Variants in CACNG4 observed in about 807,000 individuals in gnomAD.
The protein encoded by CACNG4 is voltage-dependent calcium channel gamma-4 subunit.
A neutral mutation model predicts 22.9 loss-of-function variants in CACNG4; 8 were observed. That is an observed-to-expected ratio of 0.35 (90% confidence interval 0.21 to 0.63). The LOEUF (loss-of-function observed/expected upper bound fraction) is 0.63, where lower values mean the gene tolerates loss of function less well. CACNG4 is among the 30% of genes least tolerant of loss of function. The probability of loss-of-function intolerance (pLI) is 0.72; values close to 1 mark genes in which losing one functional copy is unlikely to be tolerated. For synonymous variants in CACNG4, 188 were observed against 191.9 expected, an observed-to-expected ratio of 0.98 and a Z score of 0.17; for missense variants, 357 against 455.4, an observed-to-expected ratio of 0.78 and a Z score of 1.97.
chr17:66,994,020 T>C (rs1413171513), intron 1 of CACNG4, among the ~76,000 whole-genome samples: 1 of 142,388 alleles, frequency 7.0e-6, no homozygotes, highest in Non-Finnish European at 1.6e-5. Context: ...AATATACACA[T>C]AAAAAAAAAA....
intron 1 of CACNG4, among the ~76,000 whole-genome samples, chr17:66,969,031 T>C: frequency 6.6e-6 from 1 of 152,134 alleles, no homozygotes. Flanking sequence ...AAAGGGGTAG[T>C]AAACCTTTCT....
chr17:67,011,065 G>A lies in CACNG4; in HGVS notation c.221-7124G>A, dbSNP rs946045999. Among the ~76,000 whole-genome samples, 10 of 152,300 alleles carry A rather than the reference G, an allele frequency of 6.6e-5. 1 individual carries two copies. The highest frequency in any genetic ancestry group is 4.2e-4 in the South Asian group (2 of 4,818). On this transcript the variant is annotated intron_variant, in intron 1 of 3. Transcript: ENST00000262138. ...GCCACTTTAAATTATGGTAAAGTTC[G>A]CATTGCTGGCTCTCTAGAACAATAC...
At chr17:67,003,013 A>G (rs948746927) in intron 1 of CACNG4, among the ~76,000 whole-genome samples, 1 of 152,056 alleles carries the variant, frequency 6.6e-6, no homozygotes, top group Non-Finnish European at 1.5e-5. Flanking sequence ...TATTATGGGT[A>G]TATGTGGACA....
Position 66,964,771 on chromosome 17 carries a change from G to A in CACNG4, c.-141G>A, listed in dbSNP as rs539513033. On this transcript the variant is annotated 5_prime_UTR_variant, in exon 1 of 4. Transcript: ENST00000262138. ...CGGAGCGCAGGCACGCCCGGGGCGC[G>A]GGGTCGGAGCGCGCAGCGCGGCGCC... 5,582 of 222,214 alleles carry A rather than the reference G, an allele frequency of 0.025. 92 individuals are homozygous for A. The highest frequency in any genetic ancestry group is 0.067 in the East Asian group (346 of 5,156). The allele number at this position is 222,214 out of a possible 1,614,324, so 13.8% of individuals were successfully genotyped here. A position where few individuals can be genotyped will look rare whatever the true frequency, so the allele number is the denominator to read the frequency against.
rs538977403 is a variant in CACNG4 at position 66,988,099 on chromosome 17, T to C, written c.220+22968T>C. Among the ~76,000 whole-genome samples, 4 of 151,810 alleles carry C rather than the reference T, an allele frequency of 2.6e-5. No homozygotes were observed. In the East Asian group the frequency reaches 7.8e-4, roughly 30 times the overall value. ...CACACACACATGCAACTGCACACAG[T>C]GTGGTCACAGAGCTACCACCCTGAT... On this transcript the variant is annotated intron_variant, in intron 1 of 3. Coordinates refer to ENST00000262138, the MANE Select transcript of CACNG4 (RefSeq NM_014405.4).
chr17:66,972,194 G>T (rs72846233), intron 1 of CACNG4, among the ~76,000 whole-genome samples: 15,568 of 152,180 alleles, frequency 0.1, 954 homozygotes, highest in South Asian at 0.17. Flanking sequence ...ATGCCCATGG[G>T]GGTGCCAGAT....
intron 2 of CACNG4, among the ~76,000 whole-genome samples, chr17:67,020,918 T>G (rs1234746479): frequency 2.0e-5 from 3 of 152,188 alleles, no homozygotes; most frequent in Admixed American, 6.5e-5. Flanking sequence ...TAACAAGTTA[T>G]TGCAGCCAGA....
intron 1 of CACNG4, among the ~76,000 whole-genome samples, chr17:66,981,278 A>G (rs1365230081): frequency 1.3e-5 from 2 of 152,246 alleles, no homozygotes; most frequent in African/African-American, 2.4e-5. Context: ...TACTAGGACT[A>G]CAAAATTATC....
chr17:67,028,221 T>C (rs1223821936), intron 3 of CACNG4, among the ~76,000 whole-genome samples: 1 of 152,046 alleles, frequency 6.6e-6, no homozygotes, highest in Non-Finnish European at 1.5e-5. Flanking sequence ...ACAGAGGACG[T>C]GGACGGTGCA....
chr17:67,029,649 CAAACAAACAA>C (rs2035589658), intron 3 of CACNG4, among the ~76,000 whole-genome samples: 1 of 151,902 alleles, frequency 6.6e-6, no homozygotes, highest in African/African-American at 2.4e-5. Flanking sequence ...AACAAACAAA[CAAACAAACAA>C]AAACAAACAA....
chr17:66,969,722 G>A (rs2035192495), intron 1 of CACNG4, among the ~76,000 whole-genome samples: 1 of 152,134 alleles, frequency 6.6e-6, no homozygotes, highest in Non-Finnish European at 1.5e-5. Flanking sequence ...CAGGTGGGAG[G>A]CTTTTTCCAA....
chr17:67,023,733 G>A (rs1293243772), intron 2 of CACNG4, among the ~76,000 whole-genome samples: 5 of 151,856 alleles, frequency 3.3e-5, no homozygotes, highest in South Asian at 2.1e-4. Flanking sequence ...CACCATGCCC[G>A]GCTAATTTTT....
chr17:67,015,990 C>G (rs1160400797), intron 1 of CACNG4, among the ~76,000 whole-genome samples: 1 of 152,124 alleles, frequency 6.6e-6, no homozygotes, highest in African/African-American at 2.4e-5. Flanking sequence ...CACCCCACCA[C>G]CCTGAGGCCA....
At chr17:66,966,852 G>A (rs2035173984) in intron 1 of CACNG4, among the ~76,000 whole-genome samples, 1 of 152,182 alleles carries the variant, frequency 6.6e-6, no homozygotes, top group African/African-American at 2.4e-5. Flanking sequence ...TTTTTAGTGT[G>A]CAATTGCTCA....
In CACNG4 at chr17:67,030,339, G is replaced by A; in HGVS notation, c.446-127G>A. 1 of 787,964 alleles carries A rather than the reference G, an allele frequency of 1.3e-6. No homozygotes were observed. The highest frequency in any genetic ancestry group is 2.4e-5 in the East Asian group (1 of 40,864). 48.8% of individuals were successfully genotyped at this position (787,964 alleles called of 1,614,324 possible). A position where few individuals can be genotyped will look rare whatever the true frequency, so the allele number is the denominator to read the frequency against. On this transcript the variant is annotated intron_variant, in intron 3 of 3. Coordinates refer to ENST00000262138, the MANE Select transcript of CACNG4 (RefSeq NM_014405.4). This position sits in a 1 kb window ranked among gnomAD's most constrained non-coding sequence, Gnocchi z 6.4. Reference sequence around the variant, plus strand: ...TACTGAAAAGAAAAATTAGCAACCAGAATAAAGAAATACTCATCAGAGAGG... The same window carrying A: ...TACTGAAAAGAAAAATTAGCAACCAAAATAAAGAAATACTCATCAGAGAGG...
At chr17:67,007,059 C>T (rs546988744) in intron 1 of CACNG4, among the ~76,000 whole-genome samples, 31 of 152,298 alleles carry the variant, frequency 2.0e-4, no homozygotes, top group African/African-American at 7.5e-4. Flanking sequence ...CCTATAGTCC[C>T]AGCTACTCAG....
chr17:66,975,318 C>A (rs2035229722), intron 1 of CACNG4, among the ~76,000 whole-genome samples: 1 of 152,142 alleles, frequency 6.6e-6, no homozygotes, highest in Non-Finnish European at 1.5e-5. Flanking sequence ...CTTTCCTCCC[C>A]ACCATGAGTC....
intron 1 of CACNG4, among the ~76,000 whole-genome samples, chr17:67,007,284 G>T (rs77831602): frequency 0.016 from 2,404 of 152,306 alleles, 41 homozygotes; most frequent in African/African-American, 0.038. Context: ...TCTTTTAGCA[G>T]TTGCCAGTGA....
intron 1 of CACNG4, among the ~76,000 whole-genome samples, chr17:67,008,811 T>G (rs1479650381): frequency 6.6e-6 from 1 of 152,108 alleles, no homozygotes; most frequent in East Asian, 1.9e-4. Flanking sequence ...TAGCCAGGCA[T>G]GGTGGCACAT....
Sources: allele counts gnomAD v4.1 joint callset (sites outside exome capture counted in the v4.1 genomes callset), GRCh38; gene constraint gnomAD v4.1.1; non-coding constraint Gnocchi (gnomAD v3.1); transcripts MANE v1.5; gene names NCBI Gene and HGNC (gene_info 2026-07-23, HGNC 2026-07-21).